The following CRADD variants were observed in gnomAD, a reference collection of about 807,000 sequenced individuals.
CRADD encodes the protein death domain-containing protein CRADD.
Under a neutral mutation model 15.5 loss-of-function variants are expected in CRADD, and 9 were observed. The ratio of observed to expected loss-of-function variants is 0.58; its 90% CI spans 0.35 to 1.01. CRADD has a LOEUF of 1.01. Ranked by LOEUF, CRADD falls within the 50% of genes least tolerant of loss-of-function variation. The pLI, the probability that CRADD is intolerant of heterozygous loss-of-function variation, is 0.02. For synonymous variants in CRADD, 118 were observed against 107.6 expected (o/e 1.10, Z -0.60); for missense variants, 227 against 250.3 (o/e 0.91, Z 0.63).
chr12:93,700,955 A>G (rs1451832501), intron 2 of CRADD, among the ~76,000 whole-genome samples: 1 of 152,120 alleles, frequency 6.6e-6, no homozygotes, highest in South Asian at 2.1e-4. Context: ...TGCACCTCCT[A>G]TTTGGTGTGC....
At chr12:93,807,807 A>T (rs960217844) in intron 2 of CRADD, among the ~76,000 whole-genome samples, 1 of 152,032 alleles carries the variant, frequency 6.6e-6, no homozygotes, top group East Asian at 1.9e-4. Context: ...TCCATCAGTC[A>T]GCAAGTATTT....
intron 2 of CRADD, among the ~76,000 whole-genome samples, chr12:93,841,985 CACCG>C (rs1958053028): frequency 6.6e-6 from 1 of 152,146 alleles, no homozygotes; most frequent in East Asian, 1.9e-4. Context: ...CCAACCCAGT[CACCG>C]TCGTAAATAA....
chr12:93,764,806 A>AT (rs551035993), intron 2 of CRADD, among the ~76,000 whole-genome samples: 15 of 150,414 alleles, frequency 1.0e-4, no homozygotes, highest in Non-Finnish European at 1.8e-4. Flanking sequence ...TTCTCTCCTA[A>AT]TTTTTTTTTG....
intron 2 of CRADD, among the ~76,000 whole-genome samples, chr12:93,807,673 G>T (rs1957555221): frequency 6.6e-6 from 1 of 152,096 alleles, no homozygotes; most frequent in Non-Finnish European, 1.5e-5. Flanking sequence ...ATGCTATGAT[G>T]CAGATCACCT....
intron 2 of CRADD, among the ~76,000 whole-genome samples, chr12:93,884,539 GGGA>G (rs1958522947): frequency 6.6e-6 from 1 of 152,082 alleles, no homozygotes; most frequent in African/African-American, 2.4e-5. Context: ...GTGGGGCCTC[GGGA>G]AGTTCACGGA....
chr12:93,726,885 C>G (rs912652012), intron 2 of CRADD, among the ~76,000 whole-genome samples: 2 of 152,138 alleles, frequency 1.3e-5, no homozygotes, highest in Non-Finnish European at 2.9e-5. Context: ...TGAAAGAGCC[C>G]TCTTTGGCAT....
intron 2 of CRADD, among the ~76,000 whole-genome samples, chr12:93,835,199 TTACCTTTA>T (rs2137033752): frequency 6.6e-6 from 1 of 152,344 alleles, no homozygotes; most frequent in African/African-American, 2.4e-5. Context: ...GATGATTACC[TTACCTTTA>T]TACTTCAATA....
At chr12:93,884,695 T>G (rs1958524128) in intron 2 of CRADD, among the ~76,000 whole-genome samples, 1 of 152,136 alleles carries the variant, frequency 6.6e-6, no homozygotes, top group East Asian at 1.9e-4. Context: ...CCCAATAAAT[T>G]CCTCTCCTCA....
intron 2 of CRADD, among the ~76,000 whole-genome samples, chr12:93,837,120 C>T (rs1332754072): frequency 6.6e-6 from 1 of 152,104 alleles, no homozygotes; most frequent in Admixed American, 6.5e-5. Context: ...GTTCAAGGAA[C>T]CGGATGAATG....
intron 2 of CRADD, among the ~76,000 whole-genome samples, chr12:93,813,075 A>G (rs755681035): frequency 2.0e-5 from 3 of 152,270 alleles, no homozygotes; most frequent in Non-Finnish European, 2.9e-5. Flanking sequence ...AAAGAATTGT[A>G]TCACAAAGCA....
intron 2 of CRADD, among the ~76,000 whole-genome samples, chr12:93,730,424 G>C (rs367851110): frequency 7.2e-5 from 11 of 152,316 alleles, no homozygotes; most frequent in African/African-American, 2.6e-4. Context: ...TGTGAAGCCT[G>C]CACTCTCATA....
intron 2 of CRADD, among the ~76,000 whole-genome samples, chr12:93,808,215 A>C (rs1236323349): frequency 6.6e-6 from 1 of 151,942 alleles, no homozygotes; most frequent in African/African-American, 2.4e-5. Context: ...GCTAATAAAG[A>C]CATACCTGAG....
rs370006454 is a variant in CRADD, at chr12:93,850,238, G to A, written c.567G>A (p.Val189=). The change falls in exon 3 of 3, where the codon GTG becomes GTA. Residue 189 remains valine, a synonymous_variant. Coordinates refer to ENST00000332896, the MANE Select transcript of CRADD (RefSeq NM_003805.5). The surrounding 1 kb of genome is among the most constrained non-coding windows in gnomAD (Gnocchi z 4.0). ...ACAACGGGCTGCGGGCTGTGGAGGT[G>A]GACCCCTCGCTGCTCCTGCACATGT... ...SLHNGLRAVE[V]DPSLLLHMLE is the part of the protein sequence containing the mutation. The A allele has an allele frequency of 4.4e-6, 7 of 1,607,744 alleles. No individual in the cohort carries two copies. Among genetic ancestry groups the A allele is most frequent in the African/African-American group, 1.3e-5 (1 of 74,696 alleles).
chr12:93,738,242 G>A (rs1210962010), intron 2 of CRADD: 5 of 631,842 alleles, frequency 7.9e-6, no homozygotes, highest in Middle Eastern at 2.5e-4. Context: ...ATGGGGTGGG[G>A]AGCTGGAGAA....
At chr12:93,878,671 G>A (rs1958474474) in intron 2 of CRADD, among the ~76,000 whole-genome samples, 2 of 152,160 alleles carry the variant, frequency 1.3e-5, no homozygotes, top group Admixed American at 1.3e-4. Flanking sequence ...CTGACCACTG[G>A]GATTGGCGAT....
intron 2 of CRADD, among the ~76,000 whole-genome samples, chr12:93,745,396 T>G (rs1196367258): frequency 6.6e-6 from 1 of 152,218 alleles, no homozygotes; most frequent in Non-Finnish European, 1.5e-5. Context: ...GTTTTATGAA[T>G]ACTCTTTTGG....
intron 2 of CRADD, among the ~76,000 whole-genome samples, chr12:93,827,550 T>C (rs1246977704): frequency 6.6e-6 from 1 of 152,220 alleles, no homozygotes; most frequent in Non-Finnish European, 1.5e-5. Context: ...ACATGGGCTT[T>C]CTTTTCTCTT....
Position 93,732,201 on chromosome 12 carries a change from T to A in CRADD, c.298+53129T>A, listed in dbSNP as rs556238461. Among the ~76,000 whole-genome samples the A allele has an allele frequency of 3.3e-5, 5 of 152,038 alleles. No homozygotes were observed. The East Asian group carries it at 9.6e-4, about 29-fold the overall frequency. On this transcript the variant is annotated intron_variant, in intron 2 of 2. Coordinates refer to ENST00000332896, the MANE Select transcript of CRADD (RefSeq NM_003805.5). Reference sequence around the variant, plus strand: ...TAGTATTTTATATGACATGAGCAATTTGCACAGTGACTTTGAACATTATCC... The same window carrying A: ...TAGTATTTTATATGACATGAGCAATATGCACAGTGACTTTGAACATTATCC...
At chr12:93,747,321 A>G (rs1011351732) in intron 2 of CRADD, among the ~76,000 whole-genome samples, 1 of 152,152 alleles carries the variant, frequency 6.6e-6, no homozygotes, top group Non-Finnish European at 1.5e-5. Context: ...TACTGGTGAT[A>G]GTATTGGGAG....
Sources: gnomAD v4.1 joint callset for allele counts (sites outside exome capture counted in the v4.1 genomes callset) on GRCh38, gnomAD v4.1.1 for gene constraint, Gnocchi (gnomAD v3.1) non-coding constraint, MANE v1.5 for transcripts, NCBI Gene and HGNC (gene_info 2026-07-23, HGNC 2026-07-21) for gene names.